The following TTC7A variants were observed in gnomAD, a reference collection of about 807,000 sequenced individuals.
TTC7A encodes tetratricopeptide repeat domain 7A.
A neutral mutation model predicts 103.7 loss-of-function variants in TTC7A; 110 were observed. The observed-to-expected ratio is 1.06, with a 90% CI of 0.91 to 1.24. The LOEUF is 1.24. Among genes scored for constraint, TTC7A ranks in the 50% most tolerant of loss-of-function variants. The pLI, the probability that TTC7A is intolerant of heterozygous loss-of-function variation, is 0.00. For missense variants in TTC7A, 1,340 were observed against 1,116.3 expected (o/e 1.20, Z -2.86); for synonymous variants, 521 against 467.9 (o/e 1.11, Z -1.47).
Position 47,011,371 on chromosome 2 carries a change from T to A in TTC7A, c.1328T>A (p.Leu443Ter), listed in dbSNP as rs775822598. Reference protein sequence around the residue: ...AVSLLRECVKLRPSDPTVPLM... With the variant: ...AVSLLRECVK ...TCCCTGCTGCGGGAGTGTGTGAAGT[T>A]GCGGCCCTCGGACCCCACCGTGCCC... is the stretch of plus-strand genomic sequence containing the variant. The change falls in exon 11 of 20, where the codon TTG becomes TAG. Residue 443 changes from leucine (L) to a stop codon, truncating the protein, a stop_gained. Transcript: ENST00000319190. LOFTEE classifies it high-confidence loss of function. 1 of 1,612,988 alleles carries A rather than the reference T, an allele frequency of 6.2e-7. No homozygotes were observed. The highest frequency in any genetic ancestry group is 1.7e-5 in the Admixed American group (1 of 59,996).
At chr2:47,072,355 C>T (rs1368799884) in intron 19 of TTC7A, among the ~76,000 whole-genome samples, 2 of 152,238 alleles carry the variant, frequency 1.3e-5, no homozygotes, top group African/African-American at 4.8e-5. Context: ...TCCTCCCCCG[C>T]CCCCTGGCCG....
intron 2 of TTC7A, among the ~76,000 whole-genome samples, chr2:46,950,737 T>C (rs1369387783): frequency 6.6e-6 from 1 of 152,194 alleles, no homozygotes; most frequent in Non-Finnish European, 1.5e-5. Context: ...GTATAAAGCA[T>C]ACACAAGGTT....
chr2:46,993,369 T>C (rs1235915702), intron 5 of TTC7A, 81 bp from the exon 6 acceptor site: 5 of 1,339,302 alleles, frequency 3.7e-6, no homozygotes, highest in Non-Finnish European at 5.4e-6. Flanking sequence ...CAGCTCCTCC[T>C]GGGGTCTGCT....
chr2:46,954,411 A>T (rs992144872), intron 2 of TTC7A, among the ~76,000 whole-genome samples: 2 of 152,094 alleles, frequency 1.3e-5, no homozygotes, highest in African/African-American at 4.8e-5. Context: ...CATGGGCCCC[A>T]CAGAGTGCAG....
Position 47,049,949 on chromosome 2 carries a change from A to T in TTC7A, c.1920A>T (p.Gly640=). ...ACCCTGGCCCTCTTTTGCCTTCCAGAGGCCTAGAAAAGGATGGCAGCTTCG... is the reference window on the plus strand; with the variant it reads ...ACCCTGGCCCTCTTTTGCCTTCCAGTGGCCTAGAAAAGGATGGCAGCTTCG... ...WQTLYSFSQL[G]GLEKDGSFGE... is the part of the protein sequence containing the mutation. The change falls in exon 17 of 20, where the codon GGA becomes GGT. Residue 640 remains glycine, a splice_region_variant and synonymous_variant. Transcript: ENST00000319190. The T allele has an allele frequency of 1.9e-6, 3 of 1,613,840 alleles. No homozygotes were observed. Among genetic ancestry groups the T allele is most frequent in the Non-Finnish European group, 2.5e-6 (3 of 1,179,820 alleles).
intron 9 of TTC7A, 48 bp from the exon 10 acceptor site, chr2:47,006,593 G>A: frequency 1.3e-6 from 2 of 1,519,922 alleles, no homozygotes; most frequent in South Asian, 2.2e-5. Flanking sequence ...GGATGGCTGG[G>A]GTGGGAGGAC....
Position 46,941,840 on chromosome 2 carries a change from T to C in TTC7A, c.184+115T>C, listed in dbSNP as rs1670431972. The C allele has an allele frequency of 1.5e-6, 2 of 1,372,346 alleles. No homozygotes were observed. The highest frequency in any genetic ancestry group is 4.3e-5 in the Admixed American group (2 of 46,588). 85.0% of individuals were successfully genotyped at this position (1,372,346 alleles called of 1,614,324 possible). A position where few individuals can be genotyped will look rare whatever the true frequency, so the allele number is the denominator to read the frequency against. ...ACAGCGGGCGCCTGCCAGCCCACCG[T>C]GCTAGTCTTAAGAGCAGCCAGGGCA... is the stretch of plus-strand genomic sequence containing the variant. On this transcript the variant is annotated intron_variant, in intron 1 of 19. Transcript: ENST00000319190. This position sits in a 1 kb window ranked among gnomAD's most constrained non-coding sequence, Gnocchi z 4.2.
chr2:46,975,211 C>A, intron 4 of TTC7A, 108 bp downstream of exon 4: 11 of 1,428,038 alleles, frequency 7.7e-6, no homozygotes, highest in Non-Finnish European at 1.1e-5. Context: ...AAGAAGTCAC[C>A]TTCTCTGTCC....
chr2:47,046,679 T>A (rs1350841010), intron 16 of TTC7A: 1 of 503,878 alleles, frequency 2.0e-6, no homozygotes, highest in Non-Finnish European at 3.5e-6. Flanking sequence ...GGAAGAGAAA[T>A]CATTCTTGAG....
chr2:46,994,566 G>A (rs745609020), intron 7 of TTC7A, 52 bp downstream of exon 7: 1 of 1,586,192 alleles, frequency 6.3e-7, no homozygotes, highest in East Asian at 2.2e-5. Flanking sequence ...CTCACGCAGG[G>A]TTCTGTCCCC....
At chr2:47,013,085 C>T (rs1678253586) in intron 11 of TTC7A, among the ~76,000 whole-genome samples, 1 of 152,132 alleles carries the variant, frequency 6.6e-6, no homozygotes, top group African/African-American at 2.4e-5. Context: ...AAAATGGAAA[C>T]AGTAAGTCTC....
chr2:46,974,528 T>C (rs2104224992), intron 3 of TTC7A: 1 of 385,188 alleles, frequency 2.6e-6, no homozygotes, highest in South Asian at 2.0e-5. Flanking sequence ...AGTCAGCACA[T>C]GGATAAGCTT....
intron 15 of TTC7A, among the ~76,000 whole-genome samples, chr2:47,039,051 G>C (rs973829938): frequency 6.6e-6 from 1 of 152,144 alleles, no homozygotes; most frequent in Non-Finnish European, 1.5e-5. Flanking sequence ...CCAGGCACAG[G>C]CTCTCTTCCC....
intron 8 of TTC7A, among the ~76,000 whole-genome samples, chr2:47,005,611 G>A (rs1677291006): frequency 6.6e-6 from 1 of 152,120 alleles, no homozygotes; most frequent in Non-Finnish European, 1.5e-5. Context: ...AAGGGTTTTC[G>A]GTTATGAGAC....
chr2:47,005,167 C>T (rs867104175), intron 8 of TTC7A, among the ~76,000 whole-genome samples: 10 of 151,884 alleles, frequency 6.6e-5, no homozygotes, highest in African/African-American at 2.2e-4. Context: ...TGGGGAGGGA[C>T]GGAGGAGAGT....
At chr2:46,961,232 A>T (rs889789949) in intron 3 of TTC7A, among the ~76,000 whole-genome samples, 5 of 152,150 alleles carry the variant, frequency 3.3e-5, no homozygotes, top group African/African-American at 1.2e-4. Context: ...CAGCTCCATT[A>T]CCATTCTTGT....
intron 1 of TTC7A, among the ~76,000 whole-genome samples, chr2:46,947,748 T>A (rs966094167): frequency 6.6e-6 from 1 of 152,146 alleles, no homozygotes; most frequent in Non-Finnish European, 1.5e-5. Flanking sequence ...TCTGATACTT[T>A]CATAAAGTAC....
rs963718000 is a variant in TTC7A at position 46,982,209 on chromosome 2, C to T, written c.764+3302C>T. ...GCAACATAGGGAGACTTTGTCTCTA[C>T]AAAAAATAAACAAAACTGGCCAGGC... On this transcript the variant is annotated intron_variant, in intron 5 of 19. Transcript: ENST00000319190. Among the ~76,000 whole-genome samples the T allele has an allele frequency of 1.2e-4, 18 of 151,590 alleles. No homozygotes were observed. In the East Asian group the frequency reaches 3.3e-3, roughly 28 times the overall value.
chr2:46,995,199 G>A lies in TTC7A; in HGVS notation c.1065G>A (p.Met355Ile). ...ALLLLLISESMATRDVVLSRV... is the reference protein window; with the variant it reads ...ALLLLLISESIATRDVVLSRV... ...TGCTCCTCCTCATCAGCGAATCCATGGTAAGCTCCAGGATGTCCTTCAGGG... is the reference window on the plus strand; with the variant it reads ...TGCTCCTCCTCATCAGCGAATCCATAGTAAGCTCCAGGATGTCCTTCAGGG... The change falls in exon 8 of 20, where the codon ATG becomes ATA. Residue 355 changes from methionine to isoleucine, a missense_variant and splice_region_variant. Coordinates refer to ENST00000319190, the MANE Select transcript of TTC7A (RefSeq NM_020458.4). 1 of 1,614,038 alleles carries A rather than the reference G, an allele frequency of 6.2e-7. No homozygotes were observed. Among genetic ancestry groups the A allele is most frequent in the South Asian group, 1.1e-5 (1 of 91,048 alleles).
Sources: gnomAD v4.1 joint callset for allele counts (sites outside exome capture counted in the v4.1 genomes callset) on GRCh38, gnomAD v4.1.1 for gene constraint, Gnocchi (gnomAD v3.1) non-coding constraint, MANE v1.5 for transcripts, NCBI Gene and HGNC (gene_info 2026-07-23, HGNC 2026-07-21) for gene names.